Variants in C12orf54 observed in about 807,000 individuals in gnomAD.
C12orf54 encodes the protein chromosome 12 open reading frame 54.
Under a neutral mutation model 26.4 loss-of-function variants are expected in C12orf54, and 24 were observed. The observed-to-expected ratio is 0.91, with a 90% confidence interval of 0.66 to 1.28. The LOEUF (loss-of-function observed/expected upper bound fraction) is 1.28. Ranked by LOEUF, C12orf54 falls within the 50% of genes most tolerant of loss-of-function variation. C12orf54 has a pLI of 0.00. For missense variants in C12orf54, 154 were observed against 150.9 expected (o/e 1.02, Z -0.11); for synonymous variants, 54 against 47.0 (o/e 1.15, Z -0.61).
chr12:48,414,203 A>G, the C12orf54 span, among the ~76,000 whole-genome samples: 1 of 152,204 alleles, frequency 6.6e-6, no homozygotes, highest in Non-Finnish European at 1.5e-5. Flanking sequence ...CTGTGCAATG[A>G]AAAGTCTGGA....
the C12orf54 span, among the ~76,000 whole-genome samples, chr12:48,468,317 G>A: frequency 6.6e-6 from 1 of 152,096 alleles, no homozygotes; most frequent in Non-Finnish European, 1.5e-5. Flanking sequence ...GCACACCGGA[G>A]GGAAAGGAAG....
the C12orf54 span, among the ~76,000 whole-genome samples, chr12:48,417,670 G>C: frequency 6.6e-6 from 1 of 152,246 alleles, no homozygotes; most frequent in East Asian, 1.9e-4. Context: ...GGGTACAATT[G>C]ATCCCATCAC....
chr12:48,458,599 T>C, the C12orf54 span, among the ~76,000 whole-genome samples: 22,093 of 152,142 alleles, frequency 0.15, 2,820 homozygotes, highest in East Asian at 0.66. Context: ...TTATTCCCAA[T>C]TTGTATCTTA....
At chr12:48,489,100 C>T (rs962630387) in intron 5 of C12orf54, 144 bp downstream of exon 5, 1 of 863,090 alleles carries the variant, frequency 1.2e-6, no homozygotes, top group Non-Finnish European at 2.0e-6. Context: ...TTAAAGAGTA[C>T]CACTGACTTG....
At chr12:48,420,726 T>G in the C12orf54 span, among the ~76,000 whole-genome samples, 1 of 152,208 alleles carries the variant, frequency 6.6e-6, no homozygotes, top group Admixed American at 6.5e-5. Flanking sequence ...TCTCTGCTAA[T>G]GTCATCTAGT....
chr12:48,436,111 A>C, the C12orf54 span, among the ~76,000 whole-genome samples: 1 of 152,212 alleles, frequency 6.6e-6, no homozygotes, highest in Non-Finnish European at 1.5e-5. Context: ...TTGCAATCCT[A>C]GTCTTGGATG....
At chr12:48,481,096 A>G (rs889613632), upstream of C12orf54, among the ~76,000 whole-genome samples, 2 of 152,152 alleles carry the variant, frequency 1.3e-5, no homozygotes, top group Non-Finnish European at 2.9e-5. Flanking sequence ...ATTGGGTACT[A>G]TGCTCACTGT....
At chr12:48,421,283 G>A in the C12orf54 span, among the ~76,000 whole-genome samples, 2 of 152,118 alleles carry the variant, frequency 1.3e-5, no homozygotes, top group Admixed American at 1.3e-4. Flanking sequence ...GTGGGAGCAA[G>A]TGTCTTACAT....
At position 48,483,344 on chromosome 12, in the gene C12orf54, C is replaced by T. The variant is rs1954221005; in HGVS notation, c.48C>T (p.Thr16=). ...CQDQEQKVEM[T]SKQQRSTSIE... is the part of the protein sequence containing the mutation. ...ATCAGGAACAAAAGGTAGAAATGAC[C>T]TCCAAGCAGCAGAGAAGGTAATGGG... The change falls in exon 2 of 9, where the codon ACC becomes ACT. Residue 16 remains threonine, a synonymous_variant. Transcript: ENST00000548364. 1.2e-6 allele frequency: 2 copies of T among 1,613,742 alleles called. No individual in the cohort carries two copies. The highest frequency in any genetic ancestry group is 1.7e-6 in the Non-Finnish European group (2 of 1,179,884).
At chr12:48,473,111 C>T in the C12orf54 span, 2 of 1,612,832 alleles carry the variant, frequency 1.2e-6, no homozygotes, top group Non-Finnish European at 1.7e-6. Context: ...ACGGCTGTGA[C>T]CCGGATGACA....
chr12:48,473,271 G>A, the C12orf54 span: 43 of 1,076,838 alleles, frequency 4.0e-5, no homozygotes, highest in Non-Finnish European at 4.6e-5. Flanking sequence ...AGAGGAGGAC[G>A]TGAGTGGAGA....
the C12orf54 span, chr12:48,442,361 G>C: frequency 6.5e-6 from 1 of 153,092 alleles, no homozygotes; most frequent in African/African-American, 2.4e-5. Context: ...GCAGAGCAGG[G>C]TGGTAAAACT....
At chr12:48,444,520 G>A in the C12orf54 span, among the ~76,000 whole-genome samples, 4 of 152,308 alleles carry the variant, frequency 2.6e-5, no homozygotes, top group South Asian at 6.2e-4. Flanking sequence ...TTTCACAAAG[G>A]ACAAAGTTGG....
the C12orf54 span, among the ~76,000 whole-genome samples, chr12:48,440,553 T>C: frequency 1.3e-5 from 2 of 152,356 alleles, no homozygotes; most frequent in African/African-American, 2.4e-5. Context: ...AGCTCTCTCA[T>C]GGTCTACCAT....
chr12:48,447,794 T>G, the C12orf54 span, among the ~76,000 whole-genome samples: 6 of 152,178 alleles, frequency 3.9e-5, no homozygotes, highest in Non-Finnish European at 7.4e-5. Context: ...AATAGGGAGA[T>G]TATCTTGGAT....
the C12orf54 span, among the ~76,000 whole-genome samples, chr12:48,473,836 T>C: frequency 6.6e-6 from 1 of 152,232 alleles, no homozygotes; most frequent in Non-Finnish European, 1.5e-5. Context: ...GCACCAGCCA[T>C]AGCTTTTGCT....
the C12orf54 span, chr12:48,442,387 G>A: frequency 2.2e-3 from 332 of 153,114 alleles, 1 homozygote; most frequent in Non-Finnish European, 3.4e-3. Context: ...ACACATCAGA[G>A]CAAGACAAAG....
the C12orf54 span, among the ~76,000 whole-genome samples, chr12:48,452,936 C>T: frequency 6.6e-6 from 1 of 152,274 alleles, no homozygotes; most frequent in South Asian, 2.1e-4. Flanking sequence ...TGTGATGATT[C>T]CTCAAAGACC....
At chr12:48,430,249 G>T in the C12orf54 span, among the ~76,000 whole-genome samples, 2 of 152,162 alleles carry the variant, frequency 1.3e-5, no homozygotes, top group Non-Finnish European at 2.9e-5. Flanking sequence ...CTTAGGCAAG[G>T]ATTTCATGAC....
Sources: allele counts gnomAD v4.1 joint callset (sites outside exome capture counted in the v4.1 genomes callset), GRCh38; gene constraint gnomAD v4.1.1; transcripts MANE v1.5; gene names NCBI Gene and HGNC (gene_info 2026-07-23, HGNC 2026-07-21).